Variants in PHF21B observed in about 807,000 individuals in gnomAD.
PHF21B encodes PHD finger protein 21B.
PHF21B carries 22 observed loss-of-function variants against 62.2 expected under a neutral mutation model. The observed-to-expected ratio is 0.35, with a 90% CI of 0.25 to 0.51. PHF21B has a LOEUF of 0.51. Among genes scored for constraint, PHF21B ranks in the 20% least tolerant of loss-of-function variants. PHF21B has a pLI of 0.97. For synonymous variants in PHF21B, 341 were observed against 314.7 expected (o/e 1.08, Z -0.88); for missense variants, 701 against 707.9 (o/e 0.99, Z 0.11).
At chr22:44,913,759 G>C in intron 5 of PHF21B, 63 bp downstream of exon 5, 3 of 1,546,664 alleles carry the variant, frequency 1.9e-6, no homozygotes, top group Non-Finnish European at 2.6e-6. Flanking sequence ...GCTATACACA[G>C]CGGCCTCAGA....
intron 2 of PHF21B, among the ~76,000 whole-genome samples, chr22:44,991,217 G>A (rs2073037964): frequency 6.6e-6 from 1 of 152,200 alleles, no homozygotes; most frequent in Non-Finnish European, 1.5e-5. Flanking sequence ...CCCTCCTTGA[G>A]AAGGCAAAAA....
At chr22:44,933,275 C>G (rs2071778672) in intron 2 of PHF21B, among the ~76,000 whole-genome samples, 1 of 152,306 alleles carries the variant, frequency 6.6e-6, no homozygotes. Flanking sequence ...CCACGCCTGG[C>G]TAATTTTGTA....
intron 8 of PHF21B, among the ~76,000 whole-genome samples, chr22:44,890,032 C>T (rs948515993): frequency 2.9e-5 from 3 of 104,968 alleles, no homozygotes; most frequent in Non-Finnish European, 6.4e-5. Context: ...CACCTGGGCT[C>T]ACCCCAGGGC....
At chr22:44,895,006 G>A (rs142673465) in intron 6 of PHF21B, among the ~76,000 whole-genome samples, 5 of 152,350 alleles carry the variant, frequency 3.3e-5, no homozygotes, top group African/African-American at 9.6e-5. Flanking sequence ...CTCGGGCACC[G>A]CGGGGGTTCA....
chr22:45,009,623 C>A lies in PHF21B; in HGVS notation c.-74G>T. The stretch of plus-strand genomic sequence containing the variant: ...GGAAGTTGCGCGGCTCCGCGGGGGC[C>A]AGAGCGGGCGCGGGCGGACGCGGCC... On this transcript the variant is annotated 5_prime_UTR_variant, in exon 1 of 13. Transcript: ENST00000313237. The surrounding 1 kb of genome is among the most constrained non-coding windows in gnomAD (Gnocchi z 5.9). 7.0e-7 allele frequency: 1 copy of A among 1,434,010 alleles called. No homozygotes were observed. Among genetic ancestry groups the A allele is most frequent in the South Asian group, 1.4e-5 (1 of 70,014 alleles). The allele number at this position is 1,434,010 out of a possible 1,614,324, so 88.8% of individuals were successfully genotyped here. A position where few individuals can be genotyped will look rare whatever the true frequency, so the allele number is the denominator to read the frequency against.
intron 2 of PHF21B, among the ~76,000 whole-genome samples, chr22:44,988,938 C>G (rs1490821881): frequency 1.3e-5 from 2 of 152,162 alleles, no homozygotes; most frequent in African/African-American, 4.8e-5. Context: ...GCTGCTGTGT[C>G]CTCACGAAGG....
At chr22:44,917,938 GT>G (rs1887124903) in intron 3 of PHF21B, among the ~76,000 whole-genome samples, 1 of 152,222 alleles carries the variant, frequency 6.6e-6, no homozygotes, top group African/African-American at 2.4e-5. Context: ...GCCATGCTGG[GT>G]CCTTAGCAAA....
intron 2 of PHF21B, among the ~76,000 whole-genome samples, chr22:44,922,844 C>T (rs2071561516): frequency 6.6e-6 from 1 of 152,046 alleles, no homozygotes; most frequent in Non-Finnish European, 1.5e-5. Context: ...AGAGATATAC[C>T]GTAACCATGA....
At chr22:44,979,358 C>T (rs1438720543) in intron 2 of PHF21B, among the ~76,000 whole-genome samples, 4 of 152,220 alleles carry the variant, frequency 2.6e-5, no homozygotes. Context: ...CAGAGGCTGT[C>T]GTGGTCTCTG....
chr22:44,901,855 A>G (rs2071165485), intron 5 of PHF21B: 1 of 266,274 alleles, frequency 3.8e-6, no homozygotes, highest in Non-Finnish European at 7.4e-6. Flanking sequence ...CAACTGTTAC[A>G]AACAGTTGGT....
At chr22:44,973,357 A>C (rs1244829004) in intron 2 of PHF21B, among the ~76,000 whole-genome samples, 4 of 152,220 alleles carry the variant, frequency 2.6e-5, no homozygotes, top group Non-Finnish European at 4.4e-5. Flanking sequence ...AAGTTAAGCA[A>C]ACTGAAAATC....
chr22:44,992,811 T>G (rs1163968506), intron 2 of PHF21B, among the ~76,000 whole-genome samples: 1 of 152,170 alleles, frequency 6.6e-6, no homozygotes. Flanking sequence ...AGAGAGGCTC[T>G]CGGGACCCTA....
chr22:44,889,681 C>G, intron 9 of PHF21B, 79 bp downstream of exon 9: 1 of 1,502,738 alleles, frequency 6.7e-7, no homozygotes, highest in Non-Finnish European at 9.0e-7. Context: ...TTCCCTCTTT[C>G]CAGGAGGGAC....
intron 2 of PHF21B, chr22:45,008,307 G>C: frequency 2.7e-6 from 1 of 373,408 alleles, no homozygotes. Flanking sequence ...GCCGCGCGCT[G>C]CCTTTTAAGT....
rs535188710 is a variant in PHF21B, at chr22:44,885,311, T to G, written c.1377+115A>C. The G allele has an allele frequency of 1.2e-3, 1,193 of 994,594 alleles. 2 individuals carry two copies. The highest frequency in any genetic ancestry group is 1.5e-3 in the Non-Finnish European group (1,081 of 704,010). The allele number at this position is 994,594 out of a possible 1,614,324, so 61.6% of individuals were successfully genotyped here. A position where few individuals can be genotyped will look rare whatever the true frequency, so the allele number is the denominator to read the frequency against. ...ACCAGGCCCTGGCTCCTTCCTGCAC[T>G]GCTGAGGCCAGCCTGGATCTACACC... On this transcript the variant is annotated intron_variant, in intron 12 of 12. Coordinates refer to ENST00000313237, the MANE Select transcript of PHF21B (RefSeq NM_138415.5).
At chr22:45,000,342 G>T (rs1020859973) in intron 2 of PHF21B, among the ~76,000 whole-genome samples, 1 of 151,980 alleles carries the variant, frequency 6.6e-6, no homozygotes, top group Non-Finnish European at 1.5e-5. Context: ...CAAGAGCCTC[G>T]GCTGCTGAAG....
chr22:45,008,464 C>A, intron 2 of PHF21B, 81 bp downstream of exon 2: 1 of 1,355,266 alleles, frequency 7.4e-7, no homozygotes, highest in Non-Finnish European at 9.9e-7. Flanking sequence ...GTCGCCCAGG[C>A]TGGCACTTTT....
intron 2 of PHF21B, among the ~76,000 whole-genome samples, chr22:44,978,515 A>G (rs1272341066): frequency 6.6e-6 from 1 of 152,026 alleles, no homozygotes; most frequent in African/African-American, 2.4e-5. Context: ...ATGCGCCACC[A>G]CACCTGGCTA....
rs117269356 is a variant in PHF21B at position 44,909,338 on chromosome 22, G to T, written c.831+4484C>A. Among the ~76,000 whole-genome samples, 882 of 152,330 alleles carry T rather than the reference G, an allele frequency of 5.8e-3. 24 individuals are homozygous for T. In the East Asian group the frequency reaches 0.065, roughly 11 times the overall value. ...AAGGGTGCAGCTGAACCCCAAGAGAGGACAGAAGGGTCATCATGGGAGTCT... is the reference window on the plus strand; with the variant it reads ...AAGGGTGCAGCTGAACCCCAAGAGATGACAGAAGGGTCATCATGGGAGTCT... On this transcript the variant is annotated intron_variant, in intron 5 of 12. Coordinates refer to ENST00000313237, the MANE Select transcript of PHF21B (RefSeq NM_138415.5).
Sources: allele counts gnomAD v4.1 joint callset (sites outside exome capture counted in the v4.1 genomes callset), GRCh38; gene constraint gnomAD v4.1.1; non-coding constraint Gnocchi (gnomAD v3.1); transcripts MANE v1.5; gene names NCBI Gene and HGNC (gene_info 2026-07-23, HGNC 2026-07-21).